The following ARHGEF26 variants were observed in gnomAD, a reference collection of about 807,000 sequenced individuals.
ARHGEF26 encodes Rho guanine nucleotide exchange factor 26.
In ARHGEF26, 59 loss-of-function variants were observed where a neutral mutation model predicts 89.4. The ratio of observed to expected loss-of-function variants is 0.66; its 90% confidence interval spans 0.54 to 0.82. The LOEUF (loss-of-function observed/expected upper bound fraction) is 0.82. Ranked by LOEUF, ARHGEF26 falls within the 40% of genes least tolerant of loss-of-function variation. The probability of loss-of-function intolerance (pLI) is 0.00; values close to 1 mark genes in which losing one functional copy is unlikely to be tolerated. For synonymous variants in ARHGEF26, 500 were observed against 428.4 expected, an observed-to-expected ratio of 1.17 and a Z score of -2.06; for missense variants, 1,234 against 1,085.6, an observed-to-expected ratio of 1.14 and a Z score of -1.92.
At chr3:154,170,179 G>A (rs1333677013) in intron 6 of ARHGEF26, among the ~76,000 whole-genome samples, 2 of 151,950 alleles carry the variant, frequency 1.3e-5, no homozygotes, top group Non-Finnish European at 2.9e-5. Flanking sequence ...CTGGGCGACA[G>A]AGTGAAACCC....
rs1713940228 is a variant in ARHGEF26 at position 154,191,297 on chromosome 3, AT to A, written c.1650del (p.Pro551HisfsTer21). On this transcript the variant is annotated frameshift_variant, in exon 8 of 15. Transcript: ENST00000465093. LOFTEE classifies it high-confidence loss of function. ...TCTTTGTTTTCCCTCAGAGCTACCA[AT>A]CCATCCTTTAAGGAAGTATTGTCAA... Reference protein sequence around the residue: ...QRTLQKLLATNPSFKEVLSRI... With the variant: ...QRTLQKLLATXPSFKEVLSRI... 6.2e-7 allele frequency: 1 copy of A among 1,610,606 alleles called. No individual in the cohort carries two copies. The highest frequency in any genetic ancestry group is 8.5e-7 in the Non-Finnish European group (1 of 1,178,414).
intron 10 of ARHGEF26, 107 bp from the exon 11 acceptor site, chr3:154,225,749 A>G (rs1716445806): frequency 8.2e-7 from 1 of 1,222,608 alleles, no homozygotes; most frequent in Non-Finnish European, 1.1e-6. Context: ...AATGATGCAT[A>G]CTATGATAAG....
rs766809191 is a variant in ARHGEF26 at position 154,122,641 on chromosome 3, C to G, written c.649C>G (p.Leu217Val). The G allele has an allele frequency of 8.1e-6, 13 of 1,613,926 alleles. No homozygotes were observed. The highest frequency in any genetic ancestry group is 1.1e-5 in the Non-Finnish European group (13 of 1,179,906). The change falls in exon 2 of 15, where the codon CTC becomes GTC. Residue 217 changes from leucine (L) to valine (V), a missense_variant. Physicochemically the swap from Leu to Val is conservative, Grantham distance 32. Transcript: ENST00000465093. ...QKSSSEQKLP[L>V]QRLPSQENEL... The stretch of plus-strand genomic sequence containing the variant: ...AAGTTCTTCGGAACAAAAACTCCCC[C>G]TCCAAAGGCTGCCCTCCCAGGAGAA...
At chr3:154,187,568 G>A in intron 6 of ARHGEF26, 117 bp from the exon 7 acceptor site, 1 of 708,000 alleles carries the variant, frequency 1.4e-6, no homozygotes, top group Non-Finnish European at 2.1e-6. Flanking sequence ...TTTTTTAGTT[G>A]GTACTGTGTA....
intron 8 of ARHGEF26, among the ~76,000 whole-genome samples, chr3:154,193,253 C>T (rs574290152): frequency 2.0e-4 from 31 of 152,216 alleles, no homozygotes; most frequent in African/African-American, 6.7e-4. Flanking sequence ...AGCATATGTA[C>T]GTTGCTCATA....
At chr3:154,121,847 C>G in intron 1 of ARHGEF26, 95 bp from the exon 2 acceptor site, 1 of 1,140,608 alleles carries the variant, frequency 8.8e-7, no homozygotes, top group Non-Finnish European at 1.2e-6. Flanking sequence ...GTGTCCTGCG[C>G]AGCAGCAGGG....
intron 11 of ARHGEF26, among the ~76,000 whole-genome samples, chr3:154,233,603 CA>C (rs1446291421): frequency 6.6e-6 from 1 of 152,182 alleles, no homozygotes; most frequent in Admixed American, 6.5e-5. Context: ...TAATGCACGA[CA>C]GTCTAGAAGA....
At chr3:154,172,697 A>G (rs1169553431) in intron 6 of ARHGEF26, among the ~76,000 whole-genome samples, 1 of 152,202 alleles carries the variant, frequency 6.6e-6, no homozygotes, top group Non-Finnish European at 1.5e-5. Context: ...CTGTCTCAAA[A>G]GAACAAAACC....
intron 10 of ARHGEF26, among the ~76,000 whole-genome samples, chr3:154,220,775 C>T (rs1019139846): frequency 1.3e-5 from 2 of 152,046 alleles, no homozygotes; most frequent in Non-Finnish European, 2.9e-5. Flanking sequence ...TTCCAACTTA[C>T]TCCAAATCCA....
At chr3:154,232,000 C>T (rs1576809019) in intron 11 of ARHGEF26, among the ~76,000 whole-genome samples, 1 of 151,434 alleles carries the variant, frequency 6.6e-6, no homozygotes. Flanking sequence ...TTATTGATGT[C>T]GTCAGTAGTG....
chr3:154,240,376 A>G lies in ARHGEF26; in HGVS notation c.2097A>G (p.Glu699=), dbSNP rs1267843662. 6.2e-7 allele frequency: 1 copy of G among 1,602,290 alleles called. No individual in the cohort carries two copies. Among genetic ancestry groups the G allele is most frequent in the South Asian group, 1.1e-5 (1 of 89,764 alleles). Residue 699 remains glutamate (E), a synonymous_variant, in exon 12 of 15, where the codon GAA becomes GAG. Coordinates refer to ENST00000465093, the MANE Select transcript of ARHGEF26 (RefSeq NM_015595.4). ...VLIITKKKSE[E]SYNVNDYSLR... ...TTTTCCCTTTCCTTTACAGTGAAGAAAGTTACAACGTCAATGATTATTCCT... is the reference window on the plus strand; with the variant it reads ...TTTTCCCTTTCCTTTACAGTGAAGAGAGTTACAACGTCAATGATTATTCCT...
At chr3:154,230,157 C>T (rs1031788666) in intron 11 of ARHGEF26, among the ~76,000 whole-genome samples, 5 of 152,128 alleles carry the variant, frequency 3.3e-5, no homozygotes, top group African/African-American at 1.2e-4. Context: ...CAAAATTTTC[C>T]TTCCTGTATT....
chr3:154,122,030 G>A lies in ARHGEF26; in HGVS notation c.38G>A (p.Ser13Asn), dbSNP rs745450549. 189 of 1,609,874 alleles carry A rather than the reference G, an allele frequency of 1.2e-4. No individual in the cohort carries two copies. Among genetic ancestry groups the A allele is most frequent in the Non-Finnish European group, 1.6e-4 (185 of 1,176,790 alleles). Reference sequence around the variant, plus strand: ...AGCGAGGTGGATTTTTCTAGCAACAGCATAACCCCTTTGTGGCGGAGGCGG... The same window carrying A: ...AGCGAGGTGGATTTTTCTAGCAACAACATAACCCCTTTGTGGCGGAGGCGG... The part of the protein sequence containing the change: ...GESEVDFSSN[S>N]ITPLWRRRSI... Residue 13 changes from serine (S) to asparagine (N), a missense_variant, in exon 2 of 15, where the codon AGC becomes AAC. Physicochemically the swap from Ser to Asn is conservative, Grantham distance 46. Coordinates refer to ENST00000465093, the MANE Select transcript of ARHGEF26 (RefSeq NM_015595.4).
chr3:154,174,780 TTAAAAGAA>T (rs1321859091), intron 6 of ARHGEF26, among the ~76,000 whole-genome samples: 1 of 152,172 alleles, frequency 6.6e-6, no homozygotes, highest in African/African-American at 2.4e-5. Context: ...TAGCCTTTCT[TTAAAAGAA>T]TGAGGAAATG....
chr3:154,252,392 T>A (rs1391347609), intron 12 of ARHGEF26, among the ~76,000 whole-genome samples: 3 of 152,218 alleles, frequency 2.0e-5, no homozygotes, highest in Non-Finnish European at 4.4e-5. Flanking sequence ...TTTAATTAAT[T>A]GTAATTTTAA....
chr3:154,140,917 CTG>C lies in ARHGEF26; in HGVS notation c.1270-8468_1270-8467del, dbSNP rs529301024. 4.0e-5 allele frequency among the ~76,000 whole-genome samples: 6 copies of C among 151,316 alleles called. No homozygotes were observed. In the East Asian group the frequency reaches 1.2e-3, roughly 30 times the overall value. The stretch of plus-strand genomic sequence containing the variant: ...ATAACTTACACTTGAGCACTTGAGA[CTG>C]TGTTAACAGCCCTGTCCTTCCCTCA... On this transcript the variant is annotated intron_variant, in intron 4 of 14. Coordinates refer to ENST00000465093, the MANE Select transcript of ARHGEF26 (RefSeq NM_015595.4).
intron 12 of ARHGEF26, among the ~76,000 whole-genome samples, chr3:154,241,067 TC>T (rs1717457451): frequency 1.3e-5 from 2 of 152,158 alleles, no homozygotes; most frequent in Non-Finnish European, 2.9e-5. Context: ...AAATCCTCTT[TC>T]TAATCCAGAG....
intron 6 of ARHGEF26, among the ~76,000 whole-genome samples, chr3:154,161,688 C>T (rs1023531205): frequency 6.6e-6 from 1 of 152,126 alleles, no homozygotes; most frequent in Non-Finnish European, 1.5e-5. Context: ...GTAGTTGTGG[C>T]ACAATATTAC....
intron 3 of ARHGEF26, among the ~76,000 whole-genome samples, chr3:154,128,874 A>G (rs1718501428): frequency 6.6e-6 from 1 of 152,026 alleles, no homozygotes; most frequent in Non-Finnish European, 1.5e-5. Context: ...TCCCTGTTTC[A>G]TGTTTCTTCA....
Sources: gnomAD v4.1 joint callset for allele counts (sites outside exome capture counted in the v4.1 genomes callset) on GRCh38, gnomAD v4.1.1 for gene constraint, MANE v1.5 for transcripts, NCBI Gene and HGNC (gene_info 2026-07-23, HGNC 2026-07-21) for gene names.